ASTN2: variants seen among roughly 807,000 people sequenced by gnomAD.
The protein encoded by ASTN2 is astrotactin 2.
In ASTN2, 54 loss-of-function variants were observed where a neutral mutation model predicts 139.8. The ratio of observed to expected loss-of-function variants is 0.39; its 90% CI spans 0.31 to 0.48. ASTN2 has a LOEUF of 0.48. Ranked by LOEUF, ASTN2 falls within the 20% of genes least tolerant of loss-of-function variation. ASTN2 has a pLI of 0.95. For missense variants in ASTN2, 1,565 were observed against 1,725.1 expected (o/e 0.91, Z 1.64); for synonymous variants, 756 against 719.5 (o/e 1.05, Z -0.81).
intron 1 of ASTN2, among the ~76,000 whole-genome samples, chr9:117,379,269 G>A (rs1242012310): frequency 5.9e-5 from 9 of 152,152 alleles, no homozygotes; most frequent in Non-Finnish European, 1.0e-4. Context: ...AGAGCCGGGC[G>A]TAGGCAGCGA....
chr9:116,830,000 T>TAA (rs1831759925), intron 11 of ASTN2, among the ~76,000 whole-genome samples: 1 of 152,140 alleles, frequency 6.6e-6, no homozygotes, highest in Admixed American at 6.6e-5. Flanking sequence ...CCAATTAAAC[T>TAA]AAAGAGCTAC....
chr9:116,690,501 G>C (rs555952470), intron 16 of ASTN2, among the ~76,000 whole-genome samples: 1 of 152,304 alleles, frequency 6.6e-6, no homozygotes, highest in South Asian at 2.1e-4. Context: ...GGCCCTTAAA[G>C]TAGATCATTG....
chr9:116,626,154 G>GTTTTTTTTTTT lies in ASTN2; in HGVS notation c.3073-5722_3073-5712dup, dbSNP rs751026997. Among the ~76,000 whole-genome samples, 36 of 34,444 alleles carry GTTTTTTTTTTT rather than the reference G, an allele frequency of 1.0e-3. 3 individuals are homozygous for GTTTTTTTTTTT. Among genetic ancestry groups the GTTTTTTTTTTT allele is most frequent in the East Asian group, 4.1e-3 (3 of 726 alleles). 22.6% of individuals were successfully genotyped at this position (34,444 alleles called of 152,430 possible). ...ACCACCATGCCTGGTTAGTTTTTGT[G>GTTTTTTTTTTT]TTTTTTTTTTTTTTTTTTTTTTTTT... On this transcript the variant is annotated intron_variant, in intron 17 of 22. Coordinates refer to ENST00000313400, the MANE Select transcript of ASTN2 (RefSeq NM_001365068.1).
At chr9:117,322,828 T>C (rs1367981012) in intron 1 of ASTN2, among the ~76,000 whole-genome samples, 1 of 152,144 alleles carries the variant, frequency 6.6e-6, no homozygotes, top group East Asian at 1.9e-4. Flanking sequence ...GGAAGATTTC[T>C]TTCCACAGCA....
At chr9:117,223,236 A>G (rs1832587262) in intron 2 of ASTN2, among the ~76,000 whole-genome samples, 1 of 152,108 alleles carries the variant, frequency 6.6e-6, no homozygotes, top group Admixed American at 6.6e-5. Context: ...AACTGGTGGC[A>G]ATTTTGCCCC....
At chr9:116,892,829 A>G (rs903542304) in intron 10 of ASTN2, among the ~76,000 whole-genome samples, 6 of 152,154 alleles carry the variant, frequency 3.9e-5, no homozygotes, top group African/African-American at 1.4e-4. Context: ...TTTAGCAAAT[A>G]AAAATAAAGG....
At chr9:116,444,968 G>C (rs992257745) in intron 20 of ASTN2, among the ~76,000 whole-genome samples, 3 of 152,210 alleles carry the variant, frequency 2.0e-5, no homozygotes, top group African/African-American at 7.2e-5. Context: ...AAGGTGGGAA[G>C]TGAGAACAGC....
At chr9:117,342,648 C>A (rs373560111) in intron 1 of ASTN2, among the ~76,000 whole-genome samples, 7 of 152,276 alleles carry the variant, frequency 4.6e-5, no homozygotes, top group African/African-American at 1.7e-4. Flanking sequence ...GGCTTCTTCA[C>A]CTACAAAATG....
chr9:116,626,101 T>C (rs1452874148), intron 17 of ASTN2, among the ~76,000 whole-genome samples: 1 of 147,372 alleles, frequency 6.8e-6, no homozygotes. Flanking sequence ...TGCCTCAGCC[T>C]CCTGAGTAGC....
At chr9:116,815,829 G>A (rs1316643277) in intron 12 of ASTN2, among the ~76,000 whole-genome samples, 677 of 37,042 alleles carry the variant, frequency 0.018, 2 homozygotes, top group East Asian at 0.033. Flanking sequence ...AAAAAAAAAA[G>A]TTGATGAAAT....
At chr9:116,995,159 T>A (rs1484925771) in intron 7 of ASTN2, among the ~76,000 whole-genome samples, 1 of 152,222 alleles carries the variant, frequency 6.6e-6, no homozygotes, top group African/African-American at 2.4e-5. Flanking sequence ...AAGTTTCATG[T>A]GTTCACATGT....
At chr9:116,813,832 C>CA (rs1831231357) in intron 12 of ASTN2, among the ~76,000 whole-genome samples, 1 of 151,966 alleles carries the variant, frequency 6.6e-6, no homozygotes, top group African/African-American at 2.4e-5. Context: ...GTCAGGAGTT[C>CA]AAGACCAGCC....
At chr9:116,884,386 G>A (rs1159331652) in intron 10 of ASTN2, among the ~76,000 whole-genome samples, 2 of 152,138 alleles carry the variant, frequency 1.3e-5, no homozygotes, top group African/African-American at 4.8e-5. Flanking sequence ...GCTGGGTGGA[G>A]GCTAGAAGTC....
chr9:116,823,342 A>T (rs532012877), intron 11 of ASTN2, among the ~76,000 whole-genome samples: 1 of 152,316 alleles, frequency 6.6e-6, no homozygotes, highest in African/African-American at 2.4e-5. Context: ...TGGGCAAGCC[A>T]CTTCACCACC....
chr9:116,638,724 TAGAC>T (rs1857189731), intron 17 of ASTN2, among the ~76,000 whole-genome samples: 1 of 152,094 alleles, frequency 6.6e-6, no homozygotes, highest in Non-Finnish European at 1.5e-5. Context: ...AAAAGAGAGA[TAGAC>T]AGGTTAGAAG....
chr9:117,375,397 C>T (rs1830095466), intron 1 of ASTN2, among the ~76,000 whole-genome samples: 1 of 152,214 alleles, frequency 6.6e-6, no homozygotes, highest in Non-Finnish European at 1.5e-5. Context: ...CATTTGACTA[C>T]ACAAAGCTCA....
intron 1 of ASTN2, among the ~76,000 whole-genome samples, chr9:117,321,775 G>A (rs1037334919): frequency 1.3e-5 from 2 of 152,122 alleles, no homozygotes; most frequent in African/African-American, 4.8e-5. Flanking sequence ...ATAATTATTT[G>A]AGGTGGGCGC....
At chr9:117,176,912 A>C (rs1324662150) in intron 3 of ASTN2, among the ~76,000 whole-genome samples, 2 of 152,234 alleles carry the variant, frequency 1.3e-5, no homozygotes, top group Non-Finnish European at 2.9e-5. Flanking sequence ...TGACAGAATA[A>C]GACCTTGTCT....
intron 3 of ASTN2, among the ~76,000 whole-genome samples, chr9:117,205,720 A>G (rs1360460667): frequency 6.6e-6 from 1 of 152,208 alleles, no homozygotes; most frequent in Non-Finnish European, 1.5e-5. Context: ...CTAAAAAATA[A>G]GGCTTTCTTT....
Sources: gnomAD v4.1 joint callset for allele counts (sites outside exome capture counted in the v4.1 genomes callset) on GRCh38, gnomAD v4.1.1 for gene constraint, MANE v1.5 for transcripts, NCBI Gene and HGNC (gene_info 2026-07-23, HGNC 2026-07-21) for gene names.